The following ATF7IP variants were observed in gnomAD, a reference collection of about 807,000 sequenced individuals.
The protein encoded by ATF7IP is activating transcription factor 7-interacting protein 1.
ATF7IP carries 23 observed loss-of-function variants against 106.4 expected under a neutral mutation model. The ratio of observed to expected loss-of-function variants is 0.22; its 90% CI spans 0.16 to 0.31. ATF7IP has a LOEUF of 0.31. Ranked by LOEUF, ATF7IP falls within the 10% of genes least tolerant of loss-of-function variation. ATF7IP has a pLI of 1.00. For synonymous variants in ATF7IP, 542 were observed against 539.0 expected (o/e 1.01, Z -0.08); for missense variants, 1,334 against 1,524.3 (o/e 0.88, Z 2.08).
chr12:14,479,822 A>G (rs1221527647), intron 12 of ATF7IP, among the ~76,000 whole-genome samples: 1 of 152,174 alleles, frequency 6.6e-6, no homozygotes, highest in African/African-American at 2.4e-5. Context: ...TCATATTTCA[A>G]TACCATTGTT....
intron 1 of ATF7IP, among the ~76,000 whole-genome samples, chr12:14,413,616 T>C (rs1474027465): frequency 6.6e-6 from 1 of 152,218 alleles, no homozygotes; most frequent in East Asian, 1.9e-4. Flanking sequence ...AATATAATTA[T>C]TGATTTATTA....
At chr12:14,398,030 C>T (rs1005009741) in intron 1 of ATF7IP, among the ~76,000 whole-genome samples, 3 of 151,984 alleles carry the variant, frequency 2.0e-5, no homozygotes, top group East Asian at 1.9e-4. Context: ...ACAATTGTTA[C>T]GTTATTATGT....
chr12:14,481,289 A>G (rs1944420234), intron 13 of ATF7IP, 104 bp downstream of exon 13: 1 of 1,019,578 alleles, frequency 9.8e-7, no homozygotes, highest in Non-Finnish European at 1.4e-6. Context: ...AATTTCTTAT[A>G]ATGTCATATT....
At chr12:14,413,115 A>G (rs1941011496) in intron 1 of ATF7IP, among the ~76,000 whole-genome samples, 1 of 152,168 alleles carries the variant, frequency 6.6e-6, no homozygotes, top group Admixed American at 6.5e-5. Flanking sequence ...GTGAGGGCAG[A>G]TATCTTTTGT....
chr12:14,461,748 G>A (rs527637342), intron 9 of ATF7IP, among the ~76,000 whole-genome samples: 18 of 152,086 alleles, frequency 1.2e-4, no homozygotes, highest in Admixed American at 3.9e-4. Flanking sequence ...GCCAAACTCT[G>A]TGTCTTCCTA....
intron 12 of ATF7IP, among the ~76,000 whole-genome samples, chr12:14,480,583 A>G (rs977053848): frequency 1.3e-5 from 2 of 152,244 alleles, no homozygotes; most frequent in African/African-American, 4.8e-5. Flanking sequence ...TGGGAATACA[A>G]AAATACTCTT....
chr12:14,384,906 C>CTT (rs372885591), intron 1 of ATF7IP, among the ~76,000 whole-genome samples: 7 of 133,340 alleles, frequency 5.2e-5, no homozygotes, highest in Admixed American at 7.5e-5. Flanking sequence ...CAAGGTTTAA[C>CTT]TTTTTTTTTT....
chr12:14,401,220 A>G (rs1020482635), intron 1 of ATF7IP, among the ~76,000 whole-genome samples: 1 of 152,092 alleles, frequency 6.6e-6, no homozygotes, highest in African/African-American at 2.4e-5. Flanking sequence ...TTTGAGACAG[A>G]GTCTTGCTCT....
intron 11 of ATF7IP, among the ~76,000 whole-genome samples, chr12:14,477,082 T>C (rs1242397471): frequency 6.6e-6 from 1 of 152,242 alleles, no homozygotes; most frequent in African/African-American, 2.4e-5. Flanking sequence ...AACGTTCAGC[T>C]ACATATCTAT....
At position 14,461,484 on chromosome 12, in the gene ATF7IP, A is replaced by G. The variant is rs150443131; in HGVS notation, c.2797+351A>G. 1.3e-3 allele frequency among the ~76,000 whole-genome samples: 203 copies of G among 152,324 alleles called. 1 individual carries two copies. Among genetic ancestry groups the G allele is most frequent in the African/African-American group, 4.7e-3 (197 of 41,576 alleles). ...AAACATTTTAAAGTATCAAATTTAC[A>G]TAATATATGCTTTTAAGAAAAAAAG... On this transcript the variant is annotated intron_variant, in intron 9 of 14. Coordinates refer to ENST00000261168, the MANE Select transcript of ATF7IP (RefSeq NM_018179.5).
intron 1 of ATF7IP, among the ~76,000 whole-genome samples, chr12:14,418,522 A>G (rs1941322018): frequency 6.6e-6 from 1 of 152,184 alleles, no homozygotes; most frequent in African/African-American, 2.4e-5. Context: ...CAGTACTAAA[A>G]TGATCCTTGG....
intron 12 of ATF7IP, among the ~76,000 whole-genome samples, chr12:14,480,712 T>G (rs994677089): frequency 1.3e-5 from 2 of 152,220 alleles, no homozygotes; most frequent in African/African-American, 4.8e-5. Context: ...ATACTCTTAA[T>G]TCTGCACCTT....
chr12:14,383,686 G>A (rs1238827845), intron 1 of ATF7IP, among the ~76,000 whole-genome samples: 1 of 152,062 alleles, frequency 6.6e-6, no homozygotes, highest in Non-Finnish European at 1.5e-5. Flanking sequence ...TTGAGTAGCT[G>A]GAACTACAGG....
At chr12:14,429,056 C>A (rs1050735248) in intron 2 of ATF7IP, among the ~76,000 whole-genome samples, 12 of 152,182 alleles carry the variant, frequency 7.9e-5, no homozygotes, top group African/African-American at 2.9e-4. Flanking sequence ...ACTACTATTT[C>A]ATCTCTTTCC....
intron 13 of ATF7IP, among the ~76,000 whole-genome samples, chr12:14,486,907 C>G (rs1944638672): frequency 6.6e-6 from 1 of 152,184 alleles, no homozygotes; most frequent in Non-Finnish European, 1.5e-5. Context: ...CCTCACAAAT[C>G]TGTTTCGCAA....
At chr12:14,381,854 A>G (rs2136412671) in intron 1 of ATF7IP, among the ~76,000 whole-genome samples, 1 of 128,662 alleles carries the variant, frequency 7.8e-6, no homozygotes, top group Non-Finnish European at 1.6e-5. Context: ...ATGGTTGACT[A>G]GAATTAATTC....
Position 14,497,721 on chromosome 12 carries a change from A to C in ATF7IP, c.3461A>C (p.Glu1154Ala). The change falls in exon 15 of 15, where the codon GAA (glutamate) becomes GCA (alanine). Residue 1154 changes from glutamate (E) to alanine (A), a missense_variant. Around this residue, in one of 10 missense-constraint regions of ATF7IP, gnomAD observed 80 missense variants for 157.0 expected, o/e 0.51. Transcript: ENST00000261168. Reference sequence around the variant, plus strand: ...CCACAACCACAGCGTCTGCCCCCAGAAGCTGCCAGCACATCTCTGCCTCAG... The same window carrying C: ...CCACAACCACAGCGTCTGCCCCCAGCAGCTGCCAGCACATCTCTGCCTCAG... ...EAPQPQRLPP[E>A]AASTSLPQKP... 1 of 1,614,144 alleles carries C rather than the reference A, an allele frequency of 6.2e-7. No individual in the cohort carries two copies. The highest frequency in any genetic ancestry group is 8.5e-7 in the Non-Finnish European group (1 of 1,180,018).
intron 1 of ATF7IP, among the ~76,000 whole-genome samples, chr12:14,368,086 T>C (rs1938381485): frequency 6.6e-6 from 1 of 152,106 alleles, no homozygotes; most frequent in African/African-American, 2.4e-5. Flanking sequence ...TTAAATTAGG[T>C]TTTGCATATG....
At chr12:14,411,929 T>G (rs1940940703) in intron 1 of ATF7IP, among the ~76,000 whole-genome samples, 1 of 152,214 alleles carries the variant, frequency 6.6e-6, no homozygotes. Context: ...CTCTTAAATT[T>G]AGGTCTTTCA....
Sources: allele counts gnomAD v4.1 joint callset (sites outside exome capture counted in the v4.1 genomes callset), GRCh38; gene constraint gnomAD v4.1.1; regional missense constraint gnomAD v4.1.1; transcripts MANE v1.5; gene names NCBI Gene and HGNC (gene_info 2026-07-23, HGNC 2026-07-21).